Variants in ALG8 observed in about 807,000 individuals in gnomAD.
The protein encoded by ALG8 is dolichyl pyrophosphate Glc1Man9GlcNAc2 alpha-1,3-glucosyltransferase.
Under a neutral mutation model 70.2 loss-of-function variants are expected in ALG8, and 48 were observed. That is an observed-to-expected ratio of 0.68 (90% CI 0.54 to 0.87). ALG8 has a LOEUF of 0.87. Among genes scored for constraint, ALG8 ranks in the 40% least tolerant of loss-of-function variants. The pLI, the probability that ALG8 is intolerant of heterozygous loss-of-function variation, is 0.00. For synonymous variants in ALG8, 234 were observed against 229.0 expected, an observed-to-expected ratio of 1.02 and a Z score of -0.20; for missense variants, 572 against 608.7, an observed-to-expected ratio of 0.94 and a Z score of 0.64.
chr11:78,106,925 AC>A lies in ALG8; in HGVS notation c.1059del (p.Trp353CysfsTer14). The part of the protein sequence containing the change: ...IAILPSIFCL[W>X]FKPQGPRGFL... ...AAGCCTCTGGGCCCTTGGGGTTTAA[AC>A]CAAAGACAGAAAATAGAGGGCTAGA... On this transcript the variant is annotated frameshift_variant, in exon 10 of 13. Coordinates refer to ENST00000299626, the MANE Select transcript of ALG8 (RefSeq NM_024079.5). LOFTEE classifies it high-confidence loss of function. 1 of 1,614,136 alleles carries A rather than the reference AC, an allele frequency of 6.2e-7. No homozygotes were observed. Among genetic ancestry groups the A allele is most frequent in the East Asian group, 2.2e-5 (1 of 44,878 alleles).
chr11:78,122,534 G>A (rs1200400397), intron 3 of ALG8, among the ~76,000 whole-genome samples: 1 of 152,024 alleles, frequency 6.6e-6, no homozygotes, highest in Non-Finnish European at 1.5e-5. Context: ...TAGAGGCAGG[G>A]TTTCACCATG....
chr11:78,127,233 T>TTG, intron 2 of ALG8, 125 bp downstream of exon 2: 1 of 850,464 alleles, frequency 1.2e-6, no homozygotes. Flanking sequence ...CGCCTTGGCC[T>TTG]CCCAAAGTGC....
At chr11:78,104,159 C>T in intron 11 of ALG8, 107 bp from the exon 12 acceptor site, 2 of 911,284 alleles carry the variant, frequency 2.2e-6, no homozygotes, top group South Asian at 1.7e-5. Context: ...GCTAATAATA[C>T]TTTTTAAGTT....
chr11:78,112,857 G>T, intron 7 of ALG8, 87 bp from the exon 8 acceptor site: 1 of 1,519,276 alleles, frequency 6.6e-7, no homozygotes, highest in Non-Finnish European at 8.9e-7. Flanking sequence ...CTATGGTATA[G>T]TGTGTAGAAA....
intron 8 of ALG8, among the ~76,000 whole-genome samples, chr11:78,110,364 G>A (rs1030145651): frequency 9.9e-5 from 15 of 152,082 alleles, no homozygotes; most frequent in African/African-American, 3.4e-4. Context: ...GCTAATTTTT[G>A]TATTTTTAGT....
In ALG8 at chr11:78,113,949, A is replaced by T; in HGVS notation, c.714T>A (p.Val238=). Residue 238 remains valine, a synonymous_variant, in exon 7 of 13, where the codon GTT becomes GTA. Coordinates refer to ENST00000299626, the MANE Select transcript of ALG8 (RefSeq NM_024079.5). ...IRWKSFSFVR[V]ISLGLVVFLV... is the part of the protein sequence containing the mutation. The stretch of plus-strand genomic sequence containing the variant: ...AGAAAACAACCAGTCCCAGGGAAAT[A>T]ACACGAACAAAGCTGAAACTCTTCC... The T allele has an allele frequency of 6.2e-7, 1 of 1,608,626 alleles. No individual in the cohort carries two copies. The highest frequency in any genetic ancestry group is 1.1e-5 in the South Asian group (1 of 89,634).
intron 6 of ALG8, 106 bp from the exon 7 acceptor site, chr11:78,114,095 C>G (rs1860447102): frequency 1.5e-6 from 2 of 1,360,558 alleles, no homozygotes. Flanking sequence ...GTATACCAAT[C>G]TATTCATGAT....
At chr11:78,105,900 G>A (rs905720104) in intron 10 of ALG8, among the ~76,000 whole-genome samples, 2 of 151,468 alleles carry the variant, frequency 1.3e-5, no homozygotes, top group Non-Finnish European at 2.9e-5. Flanking sequence ...GTAGAGATGG[G>A]ATTTTGCCAT....
intron 1 of ALG8, 156 bp downstream of exon 1, chr11:78,139,338 A>C: frequency 6.5e-6 from 5 of 763,996 alleles, no homozygotes; most frequent in Non-Finnish European, 1.1e-5. Context: ...TAAGTCAAGT[A>C]ACAACTGGCG....
chr11:78,126,504 C>T (rs574639382), intron 2 of ALG8, among the ~76,000 whole-genome samples: 42 of 145,664 alleles, frequency 2.9e-4, no homozygotes, highest in Non-Finnish European at 4.6e-4. Flanking sequence ...TGCACTCCAG[C>T]CTGGGTGACA....
In ALG8 at chr11:78,127,556, T is replaced by C. The variant is rs56353274; in HGVS notation, c.96-120A>G. On this transcript the variant is annotated intron_variant, in intron 1 of 12. Transcript: ENST00000299626. ...TAAGCTGTCACAGCTCACTGTCCTA[T>C]AGAGACACAAATAGACATTACATAA... 773 of 843,582 alleles carry C rather than the reference T, an allele frequency of 9.2e-4. 6 individuals carry two copies. The African/African-American group carries it at 0.011, about 12-fold the overall frequency. 52.3% of individuals were successfully genotyped at this position (843,582 alleles called of 1,614,324 possible).
intron 12 of ALG8, among the ~76,000 whole-genome samples, chr11:78,103,128 C>A (rs1157651972): frequency 6.6e-6 from 1 of 151,646 alleles, no homozygotes; most frequent in Non-Finnish European, 1.5e-5. Flanking sequence ...GAGTTCAAGA[C>A]CAGCCTGACC....
intron 1 of ALG8, among the ~76,000 whole-genome samples, chr11:78,127,674 A>T (rs1442103130): frequency 6.6e-6 from 1 of 151,420 alleles, no homozygotes; most frequent in African/African-American, 2.4e-5. Flanking sequence ...AACTACCTAA[A>T]GGGCTGACAA....
intron 1 of ALG8, chr11:78,138,836 A>T: frequency 2.2e-6 from 1 of 455,810 alleles, no homozygotes; most frequent in South Asian, 1.6e-5. Context: ...TCCCCAGTGC[A>T]CCCCATGCTG....
chr11:78,104,743 C>T (rs1209766875), intron 10 of ALG8, among the ~76,000 whole-genome samples: 1 of 152,054 alleles, frequency 6.6e-6, no homozygotes, highest in Non-Finnish European at 1.5e-5. Context: ...GCGGGAGGAT[C>T]ACCTGAGGTC....
chr11:78,119,543 T>C lies in ALG8; in HGVS notation c.479-294A>G, dbSNP rs61900233. ...TCCTGGGTCCAAGCGATTCTCCTGC[T>C]TCAGCCTCCCGAGTAGCTGGGACTA... On this transcript the variant is annotated intron_variant, in intron 4 of 12. Coordinates refer to ENST00000299626, the MANE Select transcript of ALG8 (RefSeq NM_024079.5). Among the ~76,000 whole-genome samples, 32,860 of 151,126 alleles carry C rather than the reference T, an allele frequency of 0.22. 4,417 individuals carry two copies. Among genetic ancestry groups the C allele is most frequent in the African/African-American group, 0.38 (15,614 of 41,062 alleles).
intron 1 of ALG8, among the ~76,000 whole-genome samples, chr11:78,134,736 T>C (rs1275404714): frequency 6.6e-6 from 1 of 152,212 alleles, no homozygotes; most frequent in Non-Finnish European, 1.5e-5. Flanking sequence ...TAACTCCTCA[T>C]CCACTCAAGT....
chr11:78,134,499 C>T (rs1263623979), intron 1 of ALG8, among the ~76,000 whole-genome samples: 1 of 152,202 alleles, frequency 6.6e-6, no homozygotes, highest in Non-Finnish European at 1.5e-5. Context: ...TGGGCTCTTC[C>T]TTTCACAAAA....
intron 2 of ALG8, 23 bp downstream of exon 2, chr11:78,127,335 A>T (rs1413459002): frequency 6.3e-7 from 1 of 1,588,840 alleles, no homozygotes; most frequent in East Asian, 2.2e-5. Flanking sequence ...CTTAAAAAAA[A>T]AAAGGTGAAA....
Sources: allele counts gnomAD v4.1 joint callset (sites outside exome capture counted in the v4.1 genomes callset), GRCh38; gene constraint gnomAD v4.1.1; transcripts MANE v1.5; gene names NCBI Gene and HGNC (gene_info 2026-07-23, HGNC 2026-07-21).